The following MYO3A variants were observed in gnomAD, a reference collection of about 807,000 sequenced individuals.
The protein encoded by MYO3A is myosin-IIIa.
Under a neutral mutation model 192.7 loss-of-function variants are expected in MYO3A, and 180 were observed. The ratio of observed to expected loss-of-function variants is 0.93; its 90% CI spans 0.83 to 1.06. The LOEUF (loss-of-function observed/expected upper bound fraction) is 1.06, where lower values mean the gene tolerates loss of function less well. MYO3A is among the 50% of genes least tolerant of loss of function. The probability of loss-of-function intolerance (pLI) is 0.00; values close to 1 mark genes in which losing one functional copy is unlikely to be tolerated. For missense variants in MYO3A, 1,896 were observed against 1,905.0 expected, an observed-to-expected ratio of 1.00 and a Z score of 0.09; for synonymous variants, 628 against 645.3, an observed-to-expected ratio of 0.97 and a Z score of 0.41.
intron 31 of MYO3A, among the ~76,000 whole-genome samples, chr10:26,185,443 G>T (rs932349017): frequency 1.4e-5 from 2 of 142,510 alleles, no homozygotes; most frequent in Non-Finnish European, 3.0e-5. Context: ...AGGTTCAAGT[G>T]ATCCTTCTGC....
intron 14 of MYO3A, among the ~76,000 whole-genome samples, chr10:26,081,340 A>G (rs1835944627): frequency 6.6e-6 from 1 of 151,974 alleles, no homozygotes; most frequent in South Asian, 2.1e-4. Context: ...TGTCAGGGAA[A>G]TGGGGGAAAG....
At chr10:25,980,521 A>T (rs1272121030) in intron 4 of MYO3A, among the ~76,000 whole-genome samples, 1 of 152,182 alleles carries the variant, frequency 6.6e-6, no homozygotes, top group Non-Finnish European at 1.5e-5. Context: ...GAACACATTT[A>T]TATATAAATG....
rs1255062855 is a variant in MYO3A, at chr10:26,145,496, A to G, written c.2467A>G (p.Met823Val). Residue 823 changes from methionine to valine, a missense_variant, in exon 22 of 35, where the codon ATG (methionine) becomes GTG (valine). Met to Val is a conservative substitution (Grantham distance 21). Coordinates refer to ENST00000642920, the MANE Select transcript of MYO3A (RefSeq NM_017433.5). ...ACAATACTTCTGGAGACCCAAAAGA[A>G]TGGAACTTAGTTTTGGAATTCACCA... Reference protein sequence around the residue: ...KSQYFWRPKRMELSFGIHHYA... With the variant: ...KSQYFWRPKRVELSFGIHHYA... 3 of 1,610,676 alleles carry G rather than the reference A, an allele frequency of 1.9e-6. No individual in the cohort carries two copies. Among genetic ancestry groups the G allele is most frequent in the Non-Finnish European group, 1.7e-6 (2 of 1,177,038 alleles).
intron 5 of MYO3A, among the ~76,000 whole-genome samples, chr10:25,996,843 GGTAGAAAAC>G (rs1469176041): frequency 6.6e-6 from 1 of 152,048 alleles, no homozygotes; most frequent in Non-Finnish European, 1.5e-5. Context: ...TAGTGATGAA[GGTAGAAAAC>G]TAATAATAGG....
intron 2 of MYO3A, among the ~76,000 whole-genome samples, chr10:25,943,684 G>A (rs1037837546): frequency 2.0e-5 from 3 of 151,242 alleles, no homozygotes; most frequent in African/African-American, 7.3e-5. Flanking sequence ...GTTGTTCATT[G>A]TTAGTGTACA....
In MYO3A at chr10:26,125,262, A is replaced by G. The variant is rs560830889; in HGVS notation, c.1904-136A>G. 5.1e-5 allele frequency: 42 copies of G among 825,132 alleles called. No individual in the cohort carries two copies. In the South Asian group the frequency reaches 5.4e-4, roughly 11 times the overall value. 51.1% of individuals were successfully genotyped at this position (825,132 alleles called of 1,614,324 possible). On this transcript the variant is annotated intron_variant, in intron 18 of 34. Coordinates refer to ENST00000642920, the MANE Select transcript of MYO3A (RefSeq NM_017433.5). ...AGACATAGGACTCATGTTGGATAGT[A>G]TCATATTTTTACATTACATAATCTC...
At chr10:26,167,946 T>C (rs1841843012) in intron 27 of MYO3A, among the ~76,000 whole-genome samples, 1 of 152,160 alleles carries the variant, frequency 6.6e-6, no homozygotes, top group Admixed American at 6.5e-5. Context: ...ATTTAGCCAT[T>C]AAAAGGAAAA....
At chr10:26,105,174 G>T (rs772233688) in intron 17 of MYO3A, among the ~76,000 whole-genome samples, 1 of 152,116 alleles carries the variant, frequency 6.6e-6, no homozygotes, top group Admixed American at 6.5e-5. Flanking sequence ...CAAAACTGAA[G>T]TATGTCCTTA....
rs148748491 is a variant in MYO3A, at chr10:26,060,288, A to C, written c.954-6687A>C. Among the ~76,000 whole-genome samples, 629 of 114,388 alleles carry C rather than the reference A, an allele frequency of 5.5e-3. 3 individuals are homozygous for C. Among genetic ancestry groups the C allele is most frequent in the African/African-American group, 0.017 (598 of 35,650 alleles). 75.0% of individuals were successfully genotyped at this position (114,388 alleles called of 152,430 possible). ...AAATAAATAAATAAATACATACATA[A>C]ATAAATAAATAAATTTAAAAAATAC... On this transcript the variant is annotated intron_variant, in intron 10 of 34. Transcript: ENST00000642920.
At chr10:25,949,761 C>T (rs187260906) in intron 2 of MYO3A, among the ~76,000 whole-genome samples, 2 of 152,124 alleles carry the variant, frequency 1.3e-5, no homozygotes, top group Admixed American at 6.5e-5. Flanking sequence ...TCTCCCTAAA[C>T]CTTATTTCGC....
intron 17 of MYO3A, among the ~76,000 whole-genome samples, chr10:26,113,372 AG>A (rs1838308385): frequency 6.6e-6 from 1 of 151,890 alleles, no homozygotes; most frequent in Admixed American, 6.6e-5. Flanking sequence ...CAGGAGGCTG[AG>A]GCAGGAAAAT....
chr10:26,108,314 A>G (rs1315842339), intron 17 of MYO3A, among the ~76,000 whole-genome samples: 1 of 152,226 alleles, frequency 6.6e-6, no homozygotes, highest in Non-Finnish European at 1.5e-5. Flanking sequence ...GCAGCTTTAA[A>G]CAGTCAATGT....
At chr10:26,045,792 C>G (rs923591477) in intron 10 of MYO3A, among the ~76,000 whole-genome samples, 1 of 152,132 alleles carries the variant, frequency 6.6e-6, no homozygotes, top group East Asian at 1.9e-4. Flanking sequence ...ATTATCTGAC[C>G]TACCTTCTCT....
At chr10:26,128,675 G>A (rs764487746) in intron 20 of MYO3A, 137 bp downstream of exon 20, 120 of 929,762 alleles carry the variant, frequency 1.3e-4, no homozygotes, top group Non-Finnish European at 1.6e-4. Context: ...TTATCTCCAC[G>A]TCCATAGTAA....
intron 17 of MYO3A, among the ~76,000 whole-genome samples, chr10:26,118,572 T>C (rs936495557): frequency 3.3e-5 from 5 of 152,250 alleles, no homozygotes; most frequent in Middle Eastern, 6.8e-3. Context: ...AAAAATAATG[T>C]TGCTTCCCAC....
intron 12 of MYO3A, 108 bp from the exon 13 acceptor site, chr10:26,070,003 G>T (rs1835099709): frequency 2.7e-6 from 2 of 740,164 alleles, no homozygotes; most frequent in African/African-American, 1.8e-5. Flanking sequence ...GAATGAAATG[G>T]TGTTTTTATT....
At chr10:26,001,553 C>T (rs188796535) in intron 6 of MYO3A, among the ~76,000 whole-genome samples, 115 of 152,332 alleles carry the variant, frequency 7.5e-4, no homozygotes, top group African/African-American at 2.7e-3. Context: ...AGACCACAAG[C>T]TCCCTGGAGG....
chr10:26,099,800 G>A (rs1328417226), intron 17 of MYO3A, among the ~76,000 whole-genome samples: 2 of 152,152 alleles, frequency 1.3e-5, no homozygotes, highest in African/African-American at 4.8e-5. Flanking sequence ...ATGTGCTGCT[G>A]GATTCGGTTT....
intron 6 of MYO3A, among the ~76,000 whole-genome samples, chr10:26,007,773 G>A (rs2130978544): frequency 6.6e-6 from 1 of 150,932 alleles, no homozygotes; most frequent in Middle Eastern, 3.4e-3. Flanking sequence ...CTCATGGGTA[G>A]GAAGAATCAA....
Sources: gnomAD v4.1 joint callset for allele counts (sites outside exome capture counted in the v4.1 genomes callset) on GRCh38, gnomAD v4.1.1 for gene constraint, MANE v1.5 for transcripts, NCBI Gene and HGNC (gene_info 2026-07-23, HGNC 2026-07-21) for gene names.